The following MAGT1 variants were observed in gnomAD, a reference collection of about 807,000 sequenced individuals.
MAGT1 encodes magnesium transporter 1.
Under a neutral mutation model 28.4 loss-of-function variants are expected in MAGT1, and 4 were observed. That is an observed-to-expected ratio of 0.14 (90% CI 0.07 to 0.32). The LOEUF is 0.32. Ranked by LOEUF, MAGT1 falls within the 10% of genes least tolerant of loss-of-function variation. The probability of loss-of-function intolerance (pLI) is 1.00; values close to 1 mark genes in which losing one functional copy is unlikely to be tolerated. For synonymous variants in MAGT1, 89 were observed against 89.7 expected (o/e 0.99, Z 0.04); for missense variants, 193 against 264.5 (o/e 0.73, Z 1.88).
intron 1 of MAGT1, 93 bp from the exon 2 acceptor site, chrX:77,875,690 A>G: frequency 1.1e-6 from 1 of 925,975 alleles, no homozygotes; most frequent in Non-Finnish European, 1.5e-6. Flanking sequence ...CAATACTAAC[A>G]AGCAGAGGTA....
intron 6 of MAGT1, among the ~76,000 whole-genome samples, chrX:77,854,713 C>T (rs1414892468): frequency 9.1e-5 from 10 of 109,614 alleles, no homozygotes; most frequent in Non-Finnish European, 1.7e-4. Context: ...CTCCTGGATT[C>T]AAGTCATCCT....
chrX:77,891,983 T>C (rs1256917995), intron 1 of MAGT1, among the ~76,000 whole-genome samples: 1 of 109,781 alleles, frequency 9.1e-6, no homozygotes, highest in Non-Finnish European at 1.9e-5. Flanking sequence ...AGTCTCGCTC[T>C]CTTGTTCAAG....
At position 77,857,399 on chromosome X, in the gene MAGT1, A is replaced by G. The variant is rs1557216097; in HGVS notation, c.489T>C (p.Ala163=). 3 of 1,212,044 alleles carry G rather than the reference A, an allele frequency of 2.5e-6. No individual in the cohort carries two copies. The highest frequency in any genetic ancestry group is 1.1e-6 in the Non-Finnish European group (1 of 895,578). The part of the protein sequence containing the change: ...TYELQVRGFS[A]EQIARWIADR... Reference sequence around the variant, plus strand: ...CGGCGATCCACCGGGCAATCTGCTCAGCTGAAAAACCCCGCACCTGTAACT... The same window carrying G: ...CGGCGATCCACCGGGCAATCTGCTCGGCTGAAAAACCCCGCACCTGTAACT... The change falls in exon 4 of 10, where the codon GCT becomes GCC. Residue 163 remains alanine, a synonymous_variant. Coordinates refer to ENST00000618282, the MANE Select transcript of MAGT1 (RefSeq NM_001367916.1).
intron 1 of MAGT1, among the ~76,000 whole-genome samples, chrX:77,876,811 C>T (rs1048031659): frequency 2.4e-4 from 26 of 109,938 alleles, no homozygotes; most frequent in African/African-American, 8.3e-4. Context: ...GTTGGGAGTT[C>T]GAAACCAGCC....
intron 1 of MAGT1, among the ~76,000 whole-genome samples, chrX:77,879,192 G>GA (rs781811665): frequency 0.018 from 879 of 49,198 alleles, 9 homozygotes; most frequent in African/African-American, 0.052. Context: ...AAGTAGCTGG[G>GA]ATTACAGGCA....
chrX:77,846,624 T>C (rs191382908), intron 7 of MAGT1, among the ~76,000 whole-genome samples: 44 of 112,424 alleles, frequency 3.9e-4, no homozygotes, highest in African/African-American at 1.3e-3. Context: ...ATGGATGTCC[T>C]TTCTGTTTGT....
chrX:77,847,787 T>C (rs1009967259), intron 7 of MAGT1, among the ~76,000 whole-genome samples: 1 of 109,877 alleles, frequency 9.1e-6, no homozygotes. Flanking sequence ...AATTTTTGTA[T>C]TTTGAGTAGA....
chrX:77,893,484 A>G (rs782639773), intron 1 of MAGT1, among the ~76,000 whole-genome samples: 2 of 112,125 alleles, frequency 1.8e-5, no homozygotes, highest in African/African-American at 6.5e-5. Context: ...TTAAAAAAAA[A>G]ACAAAACCTA....
Position 77,890,983 on chromosome X carries a change from A to G in MAGT1, c.102+4326T>C, listed in dbSNP as rs782392703. ...CTTCAGTATGCATTGCGTGTTCATC[A>G]CTTTCCACATTTCATATTATTATTA... On this transcript the variant is annotated intron_variant, in intron 1 of 9. Transcript: ENST00000618282. Among the ~76,000 whole-genome samples the G allele has an allele frequency of 2.1e-3, 235 of 111,011 alleles. 6 individuals carry two copies. The highest frequency in any genetic ancestry group is 4.7e-4 in the Non-Finnish European group (25 of 53,114).
At chrX:77,855,797 G>T (rs1364266439) in intron 5 of MAGT1, among the ~76,000 whole-genome samples, 1 of 108,665 alleles carries the variant, frequency 9.2e-6, no homozygotes, top group Non-Finnish European at 1.9e-5. Context: ...TTGACATGGA[G>T]TCTCGCTCTT....
intron 1 of MAGT1, among the ~76,000 whole-genome samples, chrX:77,889,210 G>A (rs782545075): frequency 1.6e-3 from 164 of 99,501 alleles, no homozygotes; most frequent in African/African-American, 5.5e-3. Flanking sequence ...CAAACTCCTA[G>A]GCTCAAGCAA....
At chrX:77,841,106 C>T in intron 8 of MAGT1, 140 bp downstream of exon 8, 1 of 422,289 alleles carries the variant, frequency 2.4e-6, no homozygotes, top group East Asian at 3.9e-5. Flanking sequence ...AGTTTAATAA[C>T]AGATATGACA....
intron 7 of MAGT1, among the ~76,000 whole-genome samples, chrX:77,852,471 T>C: frequency 8.9e-6 from 1 of 112,351 alleles, no homozygotes; most frequent in Non-Finnish European, 1.9e-5. Flanking sequence ...TACACAAACA[T>C]TTACTAAAGA....
intron 7 of MAGT1, among the ~76,000 whole-genome samples, chrX:77,846,654 C>T (rs782770122): frequency 8.9e-6 from 1 of 112,350 alleles, no homozygotes; most frequent in East Asian, 2.8e-4. Context: ...TTCTAACAGT[C>T]AGCACCCTCA....
At chrX:77,831,360 T>A (rs2076898230) in intron 8 of MAGT1, among the ~76,000 whole-genome samples, 1 of 111,069 alleles carries the variant, frequency 9.0e-6, no homozygotes, top group Non-Finnish European at 1.9e-5. Context: ...GGGGTATACA[T>A]TATTGATAAA....
intron 8 of MAGT1, 72 bp from the exon 9 acceptor site, chrX:77,830,967 CTTTTTTTATTTTATTTTATT>C (rs2076896307): frequency 9.4e-6 from 3 of 318,756 alleles, no homozygotes; most frequent in Admixed American, 5.9e-5. Context: ...TCTATACTTT[CTTTTTTTATTTTATTTTATT>C]TTATTTTATT....
At chrX:77,838,060 T>C (rs1483105993) in intron 8 of MAGT1, among the ~76,000 whole-genome samples, 3 of 112,119 alleles carry the variant, frequency 2.7e-5, no homozygotes, top group Non-Finnish European at 5.6e-5. Context: ...TTTTTAATCA[T>C]AAAAGGAAAA....
At chrX:77,839,185 T>C (rs782179687) in intron 8 of MAGT1, among the ~76,000 whole-genome samples, 2 of 105,812 alleles carry the variant, frequency 1.9e-5, no homozygotes, top group South Asian at 8.8e-4. Flanking sequence ...GTGCCTGTAG[T>C]CCTAGCTACT....
rs2077031173 is a variant in MAGT1 at position 77,875,552 on chromosome X, T to C, written c.148A>G (p.Lys50Glu). The change falls in exon 2 of 10, where the codon AAA becomes GAA. Residue 50 changes from lysine to glutamate, a missense_variant. Transcript: ENST00000618282. ...CCATTCATTCTTATTACAGGTCTTTTGTTAGTCCATTCCATCAGCTGACTA... is the reference window on the plus strand; with the variant it reads ...CCATTCATTCTTATTACAGGTCTTTCGTTAGTCCATTCCATCAGCTGACTA... ...KVSQLMEWTNKRPVIRMNGDK... is the reference protein window; with the variant it reads ...KVSQLMEWTNERPVIRMNGDK... 1 of 1,209,615 alleles carries C rather than the reference T, an allele frequency of 8.3e-7. No individual in the cohort carries two copies. The highest frequency in any genetic ancestry group is 1.1e-6 in the Non-Finnish European group (1 of 894,459).
Sources: gnomAD v4.1 joint callset for allele counts (sites outside exome capture counted in the v4.1 genomes callset) on GRCh38, gnomAD v4.1.1 for gene constraint, MANE v1.5 for transcripts, NCBI Gene and HGNC (gene_info 2026-07-23, HGNC 2026-07-21) for gene names.